Variants in CNBD1 observed in about 807,000 individuals in gnomAD.
CNBD1 encodes cyclic nucleotide-binding domain-containing protein 1.
Under a neutral mutation model 54.4 loss-of-function variants are expected in CNBD1, and 71 were observed. That is an observed-to-expected ratio of 1.30 (90% CI 1.08 to 1.59). CNBD1 has a LOEUF of 1.59. Ranked by LOEUF, CNBD1 falls within the 40% of genes most tolerant of loss-of-function variation. The pLI is 0.00. For synonymous variants in CNBD1, 182 were observed against 170.7 expected (o/e 1.07, Z -0.51); for missense variants, 659 against 518.0 (o/e 1.27, Z -2.64).
At chr8:87,333,261 G>A (rs538138972) in intron 8 of CNBD1, among the ~76,000 whole-genome samples, 14 of 152,262 alleles carry the variant, frequency 9.2e-5, no homozygotes, top group African/African-American at 3.4e-4. Context: ...ATCAGCTTAA[G>A]GAGTTTTTGG....
intron 8 of CNBD1, among the ~76,000 whole-genome samples, chr8:87,290,744 T>C (rs1056788101): frequency 1.3e-5 from 2 of 152,204 alleles, no homozygotes; most frequent in African/African-American, 2.4e-5. Flanking sequence ...GGTGTAGGAT[T>C]TGAAGCTGAA....
At chr8:87,419,907 T>C (rs1807899528) in intron 2 of CNBD1, among the ~76,000 whole-genome samples, 1 of 150,242 alleles carries the variant, frequency 6.7e-6, no homozygotes, top group South Asian at 2.1e-4. Context: ...GATAAGGACT[T>C]TACAAAATAA....
At chr8:86,915,068 G>T (rs1278566704) in intron 3 of CNBD1, among the ~76,000 whole-genome samples, 1 of 152,188 alleles carries the variant, frequency 6.6e-6, no homozygotes, top group East Asian at 1.9e-4. Context: ...GTTTCTCAGA[G>T]AATTTGGGGG....
Position 87,424,798 on chromosome 8 carries a change from C to T in CNBD1, c.214-3748C>T, listed in dbSNP as rs181258619. 7.0e-4 allele frequency among the ~76,000 whole-genome samples: 107 copies of T among 152,212 alleles called. 1 individual carries two copies. Among genetic ancestry groups the T allele is most frequent in the African/African-American group, 2.5e-3 (105 of 41,536 alleles). On this transcript the variant is annotated intron_variant, in intron 2 of 7. Transcript: ENST00000521593. The stretch of plus-strand genomic sequence containing the variant: ...TTTGGTGAATCTGACAATTATGTGT[C>T]TTGGAGTTGCTCTTCTCCAGGAGTA...
In CNBD1 at chr8:87,034,122, C is replaced by A. The variant is rs138689258; in HGVS notation, c.431+94368C>A. On this transcript the variant is annotated intron_variant, in intron 4 of 10. Transcript: ENST00000518476. ...TTTTTTCCATTTATTTACAATGATC[C>A]TTATGCTGTATTCATTTATCTTGAA... 5.6e-3 allele frequency among the ~76,000 whole-genome samples: 854 copies of A among 152,220 alleles called. 17 individuals are homozygous for A. The highest frequency in any genetic ancestry group is 0.02 in the African/African-American group (815 of 41,542).
intron 4 of CNBD1, among the ~76,000 whole-genome samples, chr8:86,976,551 G>T (rs1303807671): frequency 2.2e-4 from 33 of 151,856 alleles, no homozygotes; most frequent in Non-Finnish European, 5.9e-5. Context: ...TATTAGAATA[G>T]TTTTTTTCTA....
intron 2 of CNBD1, among the ~76,000 whole-genome samples, chr8:86,888,461 G>A (rs1012299402): frequency 6.6e-6 from 1 of 152,084 alleles, no homozygotes; most frequent in African/African-American, 2.4e-5. Context: ...CCTATTGCCT[G>A]ATGTGAATCC....
chr8:87,330,184 A>T (rs747737336), intron 8 of CNBD1, among the ~76,000 whole-genome samples: 19 of 144,072 alleles, frequency 1.3e-4, no homozygotes, highest in Non-Finnish European at 2.0e-4. Context: ...ATCTGTAGTG[A>T]TGTCCCCTAT....
chr8:86,940,235 C>T (rs1293515812), intron 4 of CNBD1, among the ~76,000 whole-genome samples: 2 of 144,786 alleles, frequency 1.4e-5, no homozygotes, highest in African/African-American at 5.1e-5. Context: ...GGCGCAATCT[C>T]AACTCACTGC....
At chr8:86,884,969 T>A (rs1395953399) in intron 1 of CNBD1, among the ~76,000 whole-genome samples, 3 of 152,226 alleles carry the variant, frequency 2.0e-5, no homozygotes, top group Non-Finnish European at 4.4e-5. Context: ...ATGCTGTCCA[T>A]CTCTTTCTTG....
chr8:86,875,203 C>G (rs1808502288), intron 1 of CNBD1, among the ~76,000 whole-genome samples: 1 of 151,920 alleles, frequency 6.6e-6, no homozygotes, highest in Non-Finnish European at 1.5e-5. Flanking sequence ...CTTCCATATT[C>G]ACTGCCATCC....
At chr8:87,259,591 A>G (rs1268232911) in intron 6 of CNBD1, among the ~76,000 whole-genome samples, 1 of 152,228 alleles carries the variant, frequency 6.6e-6, no homozygotes, top group Admixed American at 6.5e-5. Flanking sequence ...CCAATTAATT[A>G]GCACTTTTTT....
At chr8:87,343,642 C>G (rs1487022330) in intron 8 of CNBD1, among the ~76,000 whole-genome samples, 4 of 152,116 alleles carry the variant, frequency 2.6e-5, no homozygotes, top group Non-Finnish European at 4.4e-5. Context: ...TACATTTTAA[C>G]AAAGTTGAAT....
intron 4 of CNBD1, among the ~76,000 whole-genome samples, chr8:87,147,240 G>A (rs1812508296): frequency 6.6e-6 from 1 of 151,822 alleles, no homozygotes; most frequent in Non-Finnish European, 1.5e-5. Context: ...TTTTATCTCT[G>A]TATATCTCTC....
intron 4 of CNBD1, among the ~76,000 whole-genome samples, chr8:87,018,148 C>T (rs962660951): frequency 1.3e-5 from 2 of 152,168 alleles, no homozygotes; most frequent in African/African-American, 4.8e-5. Context: ...GAGGCTGAGG[C>T]AGAAGAATCG....
intron 4 of CNBD1, among the ~76,000 whole-genome samples, chr8:87,017,773 T>A (rs1009533493): frequency 6.6e-6 from 1 of 152,114 alleles, no homozygotes; most frequent in Non-Finnish European, 1.5e-5. Context: ...GAAAGTATGT[T>A]TTTATAGGCA....
intron 6 of CNBD1, among the ~76,000 whole-genome samples, chr8:87,271,168 A>G (rs1201076444): frequency 1.3e-5 from 2 of 151,594 alleles, no homozygotes; most frequent in Admixed American, 1.3e-4. Context: ...TTGTTTTTAA[A>G]TTAATCCAGC....
At chr8:87,344,676 A>C (rs1810134054) in intron 8 of CNBD1, among the ~76,000 whole-genome samples, 1 of 151,996 alleles carries the variant, frequency 6.6e-6, no homozygotes, top group African/African-American at 2.4e-5. Context: ...AATTATTGTG[A>C]AATTAATCAG....
At chr8:86,912,863 T>C (rs1449049446) in intron 3 of CNBD1, among the ~76,000 whole-genome samples, 1 of 152,160 alleles carries the variant, frequency 6.6e-6, no homozygotes, top group African/African-American at 2.4e-5. Context: ...AAGACAGTGA[T>C]ATCAATGATC....
Sources: gnomAD v4.1 joint callset for allele counts (sites outside exome capture counted in the v4.1 genomes callset) on GRCh38, gnomAD v4.1.1 for gene constraint, MANE v1.5 for transcripts, NCBI Gene and HGNC (gene_info 2026-07-23, HGNC 2026-07-21) for gene names.